Variants in PRDM5 observed in about 807,000 individuals in gnomAD.
The protein encoded by PRDM5 is PR/SET domain 5, also known as PR domain zinc finger protein 5.
A neutral mutation model predicts 81.2 loss-of-function variants in PRDM5; 56 were observed. The observed-to-expected ratio is 0.69, with a 90% CI of 0.56 to 0.86. The LOEUF (loss-of-function observed/expected upper bound fraction) is 0.86, where lower values mean the gene tolerates loss of function less well. PRDM5 is among the 40% of genes least tolerant of loss of function. The probability of loss-of-function intolerance (pLI) is 0.00; values close to 1 mark genes in which losing one functional copy is unlikely to be tolerated. For synonymous variants in PRDM5, 267 were observed against 256.4 expected (o/e 1.04, Z -0.39); for missense variants, 697 against 770.1 (o/e 0.91, Z 1.12).
chr4:120,840,830 CATG>C (rs1374286760), intron 3 of PRDM5, among the ~76,000 whole-genome samples: 2 of 152,194 alleles, frequency 1.3e-5, no homozygotes, highest in Non-Finnish European at 2.9e-5. Flanking sequence ...CAGTGGCTGG[CATG>C]ATGGCAGCGG....
chr4:120,892,778 G>C (rs1764198463), intron 2 of PRDM5, among the ~76,000 whole-genome samples: 1 of 152,254 alleles, frequency 6.6e-6, no homozygotes, highest in Non-Finnish European at 1.5e-5. Context: ...AGTTCAGACA[G>C]AAGTGGGACC....
chr4:120,735,762 G>C (rs1209941156), intron 14 of PRDM5, among the ~76,000 whole-genome samples: 1 of 152,022 alleles, frequency 6.6e-6, no homozygotes, highest in South Asian at 2.1e-4. Flanking sequence ...CCTTATCTCT[G>C]CCCAAAATCA....
At chr4:120,893,536 T>C (rs1356801354) in intron 2 of PRDM5, among the ~76,000 whole-genome samples, 1 of 152,264 alleles carries the variant, frequency 6.6e-6, no homozygotes, top group Non-Finnish European at 1.5e-5. Context: ...AAGTGTTCCA[T>C]GTGCGTTACT....
At chr4:120,730,242 G>C (rs1416297788) in intron 14 of PRDM5, among the ~76,000 whole-genome samples, 2 of 152,044 alleles carry the variant, frequency 1.3e-5, no homozygotes. Context: ...CTATGTCATA[G>C]CATTTTGCTT....
At chr4:120,718,148 C>T (rs1738071675) in intron 14 of PRDM5, among the ~76,000 whole-genome samples, 1 of 152,182 alleles carries the variant, frequency 6.6e-6, no homozygotes, top group Middle Eastern at 3.2e-3. Flanking sequence ...ACTAGGGATA[C>T]ACCTTTTCTC....
At chr4:120,890,007 C>T (rs1373410701) in intron 2 of PRDM5, among the ~76,000 whole-genome samples, 3 of 152,108 alleles carry the variant, frequency 2.0e-5, no homozygotes, top group Non-Finnish European at 1.5e-5. Flanking sequence ...GATGAACATA[C>T]GTGTGCATGC....
intron 14 of PRDM5, among the ~76,000 whole-genome samples, chr4:120,748,282 A>C (rs1743444877): frequency 6.6e-6 from 1 of 152,208 alleles, no homozygotes; most frequent in African/African-American, 2.4e-5. Flanking sequence ...GGTACCCCCA[A>C]GGCCCAAGGC....
At chr4:120,768,759 G>C (rs1195675212) in intron 13 of PRDM5, among the ~76,000 whole-genome samples, 1 of 152,118 alleles carries the variant, frequency 6.6e-6, no homozygotes, top group Non-Finnish European at 1.5e-5. Flanking sequence ...TTAAAAACTA[G>C]GAAACTCCAA....
At chr4:120,783,711 T>A (rs960067712) in intron 11 of PRDM5, among the ~76,000 whole-genome samples, 4 of 152,154 alleles carry the variant, frequency 2.6e-5, no homozygotes, top group Admixed American at 6.6e-5. Context: ...CATAATTCTT[T>A]TTAATAAGAA....
intron 14 of PRDM5, among the ~76,000 whole-genome samples, chr4:120,731,449 C>CAAG (rs142525471): frequency 0.036 from 5,418 of 149,802 alleles, 125 homozygotes; most frequent in African/African-American, 0.062. Flanking sequence ...TCAGTTAAAG[C>CAAG]AATAAAACTA....
At chr4:120,863,187 T>TACACAC (rs1561528878) in intron 2 of PRDM5, among the ~76,000 whole-genome samples, 3 of 40,144 alleles carry the variant, frequency 7.5e-5, no homozygotes, top group Non-Finnish European at 2.0e-4. Flanking sequence ...TATATATATA[T>TACACAC]ATATACACAC....
chr4:120,802,894 C>T (rs1269393094), intron 8 of PRDM5, among the ~76,000 whole-genome samples: 4 of 152,048 alleles, frequency 2.6e-5, no homozygotes, highest in Non-Finnish European at 2.9e-5. Context: ...AGGCTTCAGA[C>T]GATCAAACTT....
At chr4:120,697,084 A>C (rs1235100361) in intron 15 of PRDM5, among the ~76,000 whole-genome samples, 1 of 152,192 alleles carries the variant, frequency 6.6e-6, no homozygotes, top group Non-Finnish European at 1.5e-5. Flanking sequence ...ATAATAATCA[A>C]TATAAAAGTA....
At position 120,777,216 on chromosome 4, in the gene PRDM5, T is replaced by C. The variant is rs772781251; in HGVS notation, c.1509A>G (p.Thr503=). ...TGTGGCTCCGGATATGAACTCTGAGTGTACCACTGCTGGCAAATTTCTGGC... is the reference window on the plus strand; with the variant it reads ...TGTGGCTCCGGATATGAACTCTGAGCGTACCACTGCTGGCAAATTTCTGGC... The part of the protein sequence containing the change: ...YCGQKFASSG[T]LRVHIRSHTG... Residue 503 remains threonine (T), a synonymous_variant, in exon 13 of 16, where the codon ACA becomes ACG. Transcript: ENST00000264808. 1.5e-5 allele frequency: 25 copies of C among 1,613,458 alleles called. No homozygotes were observed. The highest frequency in any genetic ancestry group is 4.4e-5 in the South Asian group (4 of 91,074).
At chr4:120,899,774 G>A (rs546135512) in intron 2 of PRDM5, among the ~76,000 whole-genome samples, 43 of 152,146 alleles carry the variant, frequency 2.8e-4, no homozygotes, top group Non-Finnish European at 5.3e-4. Context: ...TGAAGGCTCA[G>A]TCTCATAAGA....
intron 3 of PRDM5, among the ~76,000 whole-genome samples, chr4:120,839,663 C>T (rs1757764415): frequency 6.6e-6 from 1 of 152,190 alleles, no homozygotes; most frequent in African/African-American, 2.4e-5. Context: ...CAGCCTGGCC[C>T]CCAGCCTTCA....
chr4:120,820,149 T>G (rs1755073202), intron 4 of PRDM5, among the ~76,000 whole-genome samples: 1 of 152,192 alleles, frequency 6.6e-6, no homozygotes, highest in African/African-American at 2.4e-5. Context: ...AGGTGGGCCC[T>G]TTAGGAGATG....
intron 2 of PRDM5, among the ~76,000 whole-genome samples, chr4:120,858,235 C>A (rs574293946): frequency 4.6e-5 from 7 of 152,236 alleles, no homozygotes; most frequent in African/African-American, 1.7e-4. Context: ...TAAAATGCCA[C>A]CATGTTTTTG....
intron 10 of PRDM5, among the ~76,000 whole-genome samples, chr4:120,789,959 G>A (rs17051257): frequency 6.6e-6 from 1 of 152,182 alleles, no homozygotes; most frequent in East Asian, 1.9e-4. Flanking sequence ...CAATGCCAGG[G>A]AGCCAACTAC....
Sources: allele counts gnomAD v4.1 joint callset (sites outside exome capture counted in the v4.1 genomes callset), GRCh38; gene constraint gnomAD v4.1.1; transcripts MANE v1.5; gene names NCBI Gene and HGNC (gene_info 2026-07-23, HGNC 2026-07-21).